The following VWA2 variants were observed in gnomAD, a reference collection of about 807,000 sequenced individuals.
VWA2 encodes von Willebrand factor A domain containing 2, also known as von Willebrand factor A domain-containing protein 2.
A neutral mutation model predicts 70.4 loss-of-function variants in VWA2; 73 were observed. The ratio of observed to expected loss-of-function variants is 1.04; its 90% CI spans 0.86 to 1.26. The LOEUF (loss-of-function observed/expected upper bound fraction) is 1.26. Ranked by LOEUF, VWA2 falls within the 50% of genes most tolerant of loss-of-function variation. VWA2 has a pLI of 0.00. For synonymous variants in VWA2, 407 were observed against 423.3 expected (o/e 0.96, Z 0.47); for missense variants, 1,011 against 998.5 (o/e 1.01, Z -0.17).
chr10:114,286,082 C>G lies in VWA2; in HGVS notation c.1141C>G (p.Arg381Gly). The G allele has an allele frequency of 8.7e-6, 14 of 1,614,124 alleles. No individual in the cohort carries two copies. Among genetic ancestry groups the G allele is most frequent in the African/African-American group, 1.3e-5 (1 of 75,070 alleles). ...CGTGCTGAGCGAGGACTCTCGGGCC[C>G]GAGTGGGTGTGGCCACATACAGCAG... ...RAVLSEDSRA[R>G]VGVATYSREL... Residue 381 changes from arginine (R) to glycine (G), a missense_variant, in exon 11 of 14, where the codon CGA becomes GGA. Physicochemically the swap from Arg to Gly is moderately radical, Grantham distance 125 (BLOSUM62 -2). Transcript: ENST00000392982.
chr10:114,241,583 T>G (rs1010572591), intron 1 of VWA2, among the ~76,000 whole-genome samples: 1 of 152,196 alleles, frequency 6.6e-6, no homozygotes. Flanking sequence ...CATAAGCTTG[T>G]GGTGAAAATG....
intron 1 of VWA2, chr10:114,246,163 G>T: frequency 1.7e-6 from 2 of 1,186,378 alleles, no homozygotes; most frequent in South Asian, 1.2e-5. Context: ...TAGTTGGGAA[G>T]CCTCCTTTTG....
chr10:114,280,427 G>A (rs527341726), intron 8 of VWA2, among the ~76,000 whole-genome samples: 3 of 152,300 alleles, frequency 2.0e-5, no homozygotes, highest in Admixed American at 2.0e-4. Flanking sequence ...AGATGGGGAT[G>A]CGGTGGGGTA....
Position 114,278,864 on chromosome 10 carries a change from G to C in VWA2, c.833+13G>C. 1.2e-6 allele frequency: 2 copies of C among 1,612,222 alleles called. No homozygotes were observed. The highest frequency in any genetic ancestry group is 8.5e-7 in the Non-Finnish European group (1 of 1,179,944). Reference sequence around the variant, plus strand: ...GTCCCTTCTACAGGTTTGTCTGCGCGGTCTGGGCTCGGCCTGGGTGGAGAT... The same window carrying C: ...GTCCCTTCTACAGGTTTGTCTGCGCCGTCTGGGCTCGGCCTGGGTGGAGAT... On this transcript the variant is annotated intron_variant, in intron 8 of 13. Transcript: ENST00000392982.
At position 114,294,365 on chromosome 10, in the gene VWA2, G is replaced by A. The variant is rs1464513525; in HGVS notation, c.*3128G>A. Among the ~76,000 whole-genome samples the A allele has an allele frequency of 6.6e-6, 1 of 152,068 alleles. No individual in the cohort carries two copies. Among genetic ancestry groups the A allele is most frequent in the Non-Finnish European group, 1.5e-5 (1 of 68,010 alleles). ...TTTTATAATTTGAAAAATCTTGTCAGTATCTGTATTAAGGCCTCCATTTCA... is the reference window on the plus strand; with the variant it reads ...TTTTATAATTTGAAAAATCTTGTCAATATCTGTATTAAGGCCTCCATTTCA... On this transcript the variant is annotated 3_prime_UTR_variant, in exon 14 of 14. Coordinates refer to ENST00000392982, the MANE Select transcript of VWA2 (RefSeq NM_001272046.2).
chr10:114,279,002 G>A, intron 8 of VWA2, 151 bp downstream of exon 8: 2 of 1,218,012 alleles, frequency 1.6e-6, no homozygotes, highest in South Asian at 1.4e-5. Flanking sequence ...AGCCATGGGA[G>A]AACAGGGAGA....
chr10:114,281,582 G>A (rs1431777874), intron 8 of VWA2: 9 of 236,284 alleles, frequency 3.8e-5, no homozygotes, highest in South Asian at 1.5e-4. Flanking sequence ...ATCACAGAAC[G>A]TTAGTTCTCC....
At chr10:114,290,124 C>T (rs1239015095) in intron 12 of VWA2, 116 bp from the exon 13 acceptor site, 1 of 1,394,138 alleles carries the variant, frequency 7.2e-7, no homozygotes, top group East Asian at 2.6e-5. Context: ...GCTACCGGGG[C>T]AAAGGGAGAC....
chr10:114,290,412 C>T (rs570659644), intron 13 of VWA2, 47 bp downstream of exon 13: 25 of 1,543,692 alleles, frequency 1.6e-5, no homozygotes, highest in South Asian at 2.4e-5. Flanking sequence ...GATGGTATTG[C>T]GAGTCCTGCC....
At chr10:114,252,085 C>T (rs2037208839) in intron 2 of VWA2, among the ~76,000 whole-genome samples, 2 of 152,170 alleles carry the variant, frequency 1.3e-5, no homozygotes, top group African/African-American at 4.8e-5. Context: ...GGATTACAGG[C>T]GTGAGCCACC....
At chr10:114,245,036 G>T (rs777913685) in intron 1 of VWA2, among the ~76,000 whole-genome samples, 4 of 152,216 alleles carry the variant, frequency 2.6e-5, no homozygotes, top group Non-Finnish European at 5.9e-5. Flanking sequence ...CAGTTTCAGC[G>T]TGGGCTGTGT....
chr10:114,293,569 ACTAGC>A lies in VWA2; in HGVS notation c.*2334_*2338del, dbSNP rs760572441. Among the ~76,000 whole-genome samples, 5 of 152,236 alleles carry A rather than the reference ACTAGC, an allele frequency of 3.3e-5. No homozygotes were observed. Among genetic ancestry groups the A allele is most frequent in the African/African-American group, 7.2e-5 (3 of 41,468 alleles). On this transcript the variant is annotated 3_prime_UTR_variant, in exon 14 of 14. Transcript: ENST00000392982. Reference sequence around the variant, plus strand: ...CAGGAAAGTGCTATCCTATGGCCTAACTAGCCAAGCCTTTTTTCTTTCATTTAAAA... The same window carrying A: ...CAGGAAAGTGCTATCCTATGGCCTAACAAGCCTTTTTTCTTTCATTTAAAA...
At chr10:114,269,995 A>T (rs1245242608) in intron 5 of VWA2, among the ~76,000 whole-genome samples, 1 of 152,220 alleles carries the variant, frequency 6.6e-6, no homozygotes, top group Non-Finnish European at 1.5e-5. Context: ...TTTTTCAGTA[A>T]AAGTTGTATA....
chr10:114,262,297 T>C (rs1012127425), intron 5 of VWA2, among the ~76,000 whole-genome samples: 2 of 149,792 alleles, frequency 1.3e-5, no homozygotes, highest in East Asian at 3.9e-4. Context: ...ATATTTTGTG[T>C]ATATTTTATA....
chr10:114,253,030 C>T (rs117916066), intron 2 of VWA2, among the ~76,000 whole-genome samples: 1,672 of 151,472 alleles, frequency 0.011, 20 homozygotes, highest in Non-Finnish European at 0.015. Flanking sequence ...CTCTCTTCTG[C>T]TGCTAGACAC....
rs1224947852 is a variant in VWA2 at position 114,253,744 on chromosome 10, T to C, written c.127+19T>C. 6.2e-7 allele frequency: 1 copy of C among 1,610,836 alleles called. No homozygotes were observed. Among genetic ancestry groups the C allele is most frequent in the African/African-American group, 1.3e-5 (1 of 74,974 alleles). On this transcript the variant is annotated intron_variant, in intron 3 of 13. Coordinates refer to ENST00000392982, the MANE Select transcript of VWA2 (RefSeq NM_001272046.2). ...AGCAAAAGTAAGCCCAGGTTCTTCT[T>C]AACCCTCCAGATGCCCACTCAGACC...
At chr10:114,285,045 C>G in intron 10 of VWA2, 75 bp downstream of exon 10, 3 of 1,213,752 alleles carry the variant, frequency 2.5e-6, no homozygotes, top group South Asian at 3.2e-5. Flanking sequence ...TCATTGCACG[C>G]CCTTCCAGCT....
intron 1 of VWA2, among the ~76,000 whole-genome samples, chr10:114,242,844 A>T (rs879907750): frequency 6.6e-6 from 1 of 152,258 alleles, no homozygotes; most frequent in Non-Finnish European, 1.5e-5. Flanking sequence ...TCATTCATTT[A>T]GAAAACATTT....
intron 5 of VWA2, among the ~76,000 whole-genome samples, chr10:114,263,254 A>G (rs756857376): frequency 6.6e-6 from 1 of 151,174 alleles, no homozygotes; most frequent in Non-Finnish European, 1.5e-5. Flanking sequence ...AGCTCAAGCA[A>G]TCCACCTGTC....
Sources: gnomAD v4.1 joint callset for allele counts (sites outside exome capture counted in the v4.1 genomes callset) on GRCh38, gnomAD v4.1.1 for gene constraint, MANE v1.5 for transcripts, NCBI Gene and HGNC (gene_info 2026-07-23, HGNC 2026-07-21) for gene names.